SIPA1L3: variants seen among roughly 807,000 people sequenced by gnomAD.
The protein encoded by SIPA1L3 is signal induced proliferation associated 1 like 3.
A neutral mutation model predicts 150.1 loss-of-function variants in SIPA1L3; 59 were observed. The ratio of observed to expected loss-of-function variants is 0.39; its 90% CI spans 0.32 to 0.49. The LOEUF (loss-of-function observed/expected upper bound fraction) is 0.49. Ranked by LOEUF, SIPA1L3 falls within the 20% of genes least tolerant of loss-of-function variation. The pLI, the probability that SIPA1L3 is intolerant of heterozygous loss-of-function variation, is 0.86. For synonymous variants in SIPA1L3, 1,070 were observed against 1,077.6 expected (o/e 0.99, Z 0.14); for missense variants, 2,211 against 2,489.5 (o/e 0.89, Z 2.38).
intron 16 of SIPA1L3, among the ~76,000 whole-genome samples, chr19:38,183,902 G>A (rs1012079370): frequency 6.6e-6 from 1 of 152,182 alleles, no homozygotes; most frequent in Non-Finnish European, 1.5e-5. Context: ...CGACTATATA[G>A]GGTTAATCCT....
At chr19:38,078,153 C>T (rs958158919) in intron 2 of SIPA1L3, among the ~76,000 whole-genome samples, 1 of 152,138 alleles carries the variant, frequency 6.6e-6, no homozygotes, top group African/African-American at 2.4e-5. Flanking sequence ...GCAACTCGAC[C>T]CTGAGGGCTT....
intron 9 of SIPA1L3, among the ~76,000 whole-genome samples, chr19:38,124,345 G>A (rs1186792181): frequency 6.1e-5 from 9 of 148,684 alleles, no homozygotes; most frequent in African/African-American, 1.8e-4. Flanking sequence ...AGGCAGAGGC[G>A]CTCCTCACAT....
intron 15 of SIPA1L3, among the ~76,000 whole-genome samples, chr19:38,175,508 A>G (rs1972417454): frequency 6.6e-6 from 1 of 152,118 alleles, no homozygotes; most frequent in East Asian, 1.9e-4. Context: ...CTCCCCTAAG[A>G]TGTCAAGCAG....
chr19:38,027,887 C>T (rs1411643863), intron 1 of SIPA1L3, among the ~76,000 whole-genome samples: 9 of 152,058 alleles, frequency 5.9e-5, no homozygotes, highest in African/African-American at 2.2e-4. Context: ...AATTCTGTGC[C>T]TCAGTTTCCT....
chr19:38,083,719 A>G (rs1970061951), intron 3 of SIPA1L3, among the ~76,000 whole-genome samples: 1 of 152,150 alleles, frequency 6.6e-6, no homozygotes, highest in Admixed American at 6.5e-5. Context: ...TGCCCGGCGC[A>G]GTGGCTCACG....
chr19:38,105,189 C>T (rs1251839458), intron 6 of SIPA1L3, among the ~76,000 whole-genome samples: 3 of 151,928 alleles, frequency 2.0e-5, no homozygotes, highest in Non-Finnish European at 4.4e-5. Context: ...AACCCCATCT[C>T]TACTAAAAAT....
intron 1 of SIPA1L3, among the ~76,000 whole-genome samples, chr19:37,943,683 C>G (rs149100610): frequency 6.6e-6 from 1 of 152,270 alleles, no homozygotes; most frequent in East Asian, 1.9e-4. Context: ...TCCTCCTTAT[C>G]ACCTTCTCCA....
chr19:38,199,610 G>C (rs1973040870), intron 19 of SIPA1L3, among the ~76,000 whole-genome samples: 1 of 151,912 alleles, frequency 6.6e-6, no homozygotes, highest in African/African-American at 2.4e-5. Flanking sequence ...GGTTACGGGG[G>C]AGAGGGGGGA....
At chr19:38,022,138 C>T (rs1055432043) in intron 1 of SIPA1L3, among the ~76,000 whole-genome samples, 13 of 152,168 alleles carry the variant, frequency 8.5e-5, no homozygotes, top group Admixed American at 7.2e-4. Context: ...CTGGCTGTGC[C>T]GTCTACTTGC....
intron 1 of SIPA1L3, among the ~76,000 whole-genome samples, chr19:37,999,010 CA>C (rs1307503512): frequency 1.7e-4 from 26 of 149,742 alleles, no homozygotes; most frequent in African/African-American, 4.2e-4. Flanking sequence ...CACACACACA[CA>C]CCCACACACA....
intron 9 of SIPA1L3, among the ~76,000 whole-genome samples, chr19:38,124,954 A>G (rs1019028556): frequency 1.1e-4 from 10 of 92,516 alleles, no homozygotes; most frequent in African/African-American, 1.6e-4. Context: ...TGGCAGCAGT[A>G]CAGTCCAGCT....
intron 2 of SIPA1L3, among the ~76,000 whole-genome samples, chr19:38,078,239 G>T (rs539172174): frequency 6.6e-6 from 1 of 152,042 alleles, no homozygotes; most frequent in Admixed American, 6.6e-5. Context: ...TTGTGTTCTC[G>T]TGGGGCACCA....
At chr19:38,092,774 A>G (rs1456214139) in intron 4 of SIPA1L3, among the ~76,000 whole-genome samples, 3 of 152,102 alleles carry the variant, frequency 2.0e-5, no homozygotes, top group African/African-American at 7.2e-5. Context: ...ACCTTAGCAA[A>G]TTATGCTGTA....
chr19:38,038,904 G>T (rs1361801833), intron 2 of SIPA1L3, among the ~76,000 whole-genome samples: 2 of 152,032 alleles, frequency 1.3e-5, no homozygotes, highest in Non-Finnish European at 2.9e-5. Context: ...ATTTTTTGGA[G>T]ACACAGTCTC....
chr19:38,057,565 A>G (rs855636), intron 2 of SIPA1L3, among the ~76,000 whole-genome samples: 29,109 of 151,480 alleles, frequency 0.19, 3,067 homozygotes, highest in African/African-American at 0.28. Context: ...GTTATAAAGG[A>G]TACTATGAAT....
chr19:38,192,196 A>C lies in SIPA1L3; in HGVS notation c.4482A>C (p.Ala1494=). The C allele has an allele frequency of 6.2e-7, 1 of 1,613,082 alleles. No individual in the cohort carries two copies. Among genetic ancestry groups the C allele is most frequent in the African/African-American group, 1.3e-5 (1 of 74,930 alleles). Residue 1494 remains alanine (A), a synonymous_variant, in exon 17 of 22, where the codon GCA becomes GCC. Coordinates refer to ENST00000222345, the MANE Select transcript of SIPA1L3 (RefSeq NM_015073.3). The part of the protein sequence containing the change: ...KNVFGQPRLR[A]SLRDLRSPRK... ...TCTTTGGGCAACCGAGGTTGAGGGCATCCCTCCGAGACCTCCGGTCACCAC... is the reference window on the plus strand; with the variant it reads ...TCTTTGGGCAACCGAGGTTGAGGGCCTCCCTCCGAGACCTCCGGTCACCAC...
intron 4 of SIPA1L3, among the ~76,000 whole-genome samples, chr19:38,093,745 A>G (rs568124665): frequency 6.6e-6 from 1 of 152,206 alleles, no homozygotes; most frequent in Admixed American, 6.5e-5. Flanking sequence ...CGCCAAGCAG[A>G]CAGTCTCGAG....
intron 1 of SIPA1L3, among the ~76,000 whole-genome samples, chr19:37,961,849 C>CT (rs1418479243): frequency 1.3e-5 from 2 of 152,052 alleles, no homozygotes; most frequent in Admixed American, 6.6e-5. Context: ...AGATTATATA[C>CT]TTTTTTTGAT....
rs113946417 is a variant in SIPA1L3 at position 38,183,576 on chromosome 19, A to T, written c.4430+836A>T. Reference sequence around the variant, plus strand: ...CTGGATGCTTCGGTGCGAGATTCGCAGGAGACATCCAGACGGAGGCGTGAG... The same window carrying T: ...CTGGATGCTTCGGTGCGAGATTCGCTGGAGACATCCAGACGGAGGCGTGAG... On this transcript the variant is annotated intron_variant, in intron 16 of 21. Transcript: ENST00000222345. 1.0e-3 allele frequency among the ~76,000 whole-genome samples: 157 copies of T among 152,296 alleles called. 2 individuals carry two copies. Among genetic ancestry groups the T allele is most frequent in the African/African-American group, 3.6e-3 (151 of 41,576 alleles).
Sources: allele counts gnomAD v4.1 joint callset (sites outside exome capture counted in the v4.1 genomes callset), GRCh38; gene constraint gnomAD v4.1.1; transcripts MANE v1.5; gene names NCBI Gene and HGNC (gene_info 2026-07-23, HGNC 2026-07-21).